LRMDA: variants seen among roughly 807,000 people sequenced by gnomAD.
The protein encoded by LRMDA is leucine-rich melanocyte differentiation-associated protein.
In LRMDA, 18 loss-of-function variants were observed where a neutral mutation model predicts 29.8. That is an observed-to-expected ratio of 0.60 (90% CI 0.42 to 0.90). LRMDA has a LOEUF of 0.90. LRMDA is among the 40% of genes least tolerant of loss of function. The pLI, the probability that LRMDA is intolerant of heterozygous loss-of-function variation, is 0.00. For missense variants in LRMDA, 273 were observed against 273.9 expected, an observed-to-expected ratio of 1.00 and a Z score of 0.02; for synonymous variants, 125 against 109.4, an observed-to-expected ratio of 1.14 and a Z score of -0.89.
At chr10:75,530,634 C>G (rs1845466358) in intron 2 of LRMDA, among the ~76,000 whole-genome samples, 2 of 152,210 alleles carry the variant, frequency 1.3e-5, no homozygotes, top group South Asian at 4.1e-4. Context: ...GCCTGCCTCA[C>G]TCCTTCACTG....
At chr10:75,946,553 G>C (rs1846479546) in intron 2 of LRMDA, among the ~76,000 whole-genome samples, 1 of 152,158 alleles carries the variant, frequency 6.6e-6, no homozygotes, top group South Asian at 2.1e-4. Context: ...GTGTGTGAAA[G>C]GTCGCACAAC....
chr10:75,642,857 T>C (rs1190827547), intron 2 of LRMDA: 4 of 152,230 alleles, frequency 2.6e-5, no homozygotes, highest in African/African-American at 9.6e-5. Flanking sequence ...GATCTTTTGC[T>C]GAATTACTTC....
intron 2 of LRMDA, among the ~76,000 whole-genome samples, chr10:75,828,124 C>T (rs1844277632): frequency 6.6e-6 from 1 of 152,164 alleles, no homozygotes; most frequent in Admixed American, 6.5e-5. Flanking sequence ...CCTGCCCAAA[C>T]TTTTAAACTG....
intron 5 of LRMDA, among the ~76,000 whole-genome samples, chr10:76,108,702 C>T (rs1436407704): frequency 6.6e-6 from 1 of 152,172 alleles, no homozygotes; most frequent in Non-Finnish European, 1.5e-5. Flanking sequence ...AAATAGAGCT[C>T]AGTGCCCTGC....
chr10:76,545,278 A>G (rs189922417), intron 6 of LRMDA, among the ~76,000 whole-genome samples: 17 of 151,828 alleles, frequency 1.1e-4, no homozygotes, highest in Non-Finnish European at 2.4e-4. Flanking sequence ...CTGCAGAACC[A>G]GACAGAACTG....
chr10:75,851,377 T>C (rs533581723), intron 2 of LRMDA, among the ~76,000 whole-genome samples: 2 of 152,360 alleles, frequency 1.3e-5, no homozygotes, highest in South Asian at 4.1e-4. Flanking sequence ...TATCCTGTTG[T>C]GTCTTGCCTC....
intron 5 of LRMDA, among the ~76,000 whole-genome samples, chr10:76,239,926 T>C (rs1852239577): frequency 6.6e-6 from 1 of 151,964 alleles, no homozygotes. Flanking sequence ...TACTTATATA[T>C]AATGTATATA....
At chr10:75,946,203 C>T (rs747607315) in intron 2 of LRMDA, among the ~76,000 whole-genome samples, 18 of 152,222 alleles carry the variant, frequency 1.2e-4, no homozygotes, top group Admixed American at 2.6e-4. Context: ...GACAGGCAGA[C>T]AGCTGCCTGG....
At chr10:76,434,424 A>G (rs1842224323) in intron 6 of LRMDA, among the ~76,000 whole-genome samples, 1 of 151,940 alleles carries the variant, frequency 6.6e-6, no homozygotes, top group South Asian at 2.1e-4. Context: ...TCCCAAAGCT[A>G]AAAAATGCTG....
At chr10:76,518,315 C>CTATCTATCTATA (rs1418925781) in intron 6 of LRMDA, among the ~76,000 whole-genome samples, 1 of 151,074 alleles carries the variant, frequency 6.6e-6, no homozygotes, top group Non-Finnish European at 1.5e-5. Context: ...ATCTATCTAT[C>CTATCTATCTATA]TATCTATCTA....
At chr10:75,515,932 C>G (rs1845283875) in intron 2 of LRMDA, among the ~76,000 whole-genome samples, 1 of 152,100 alleles carries the variant, frequency 6.6e-6, no homozygotes, top group South Asian at 2.1e-4. Flanking sequence ...TCAGTTCCCA[C>G]CTATGAGTGA....
intron 2 of LRMDA, among the ~76,000 whole-genome samples, chr10:75,823,486 T>C (rs1274039771): frequency 1.3e-5 from 2 of 152,116 alleles, no homozygotes; most frequent in African/African-American, 2.4e-5. Flanking sequence ...TGCAGTAATA[T>C]GCAGTAAAGG....
At chr10:75,561,638 G>C (rs1358932942) in intron 2 of LRMDA, among the ~76,000 whole-genome samples, 2 of 150,798 alleles carry the variant, frequency 1.3e-5, no homozygotes, top group African/African-American at 2.4e-5. Context: ...GTCAATTTTG[G>C]ATCTTTCCTG....
At chr10:75,998,066 T>C (rs1372490786) in intron 2 of LRMDA, among the ~76,000 whole-genome samples, 1 of 152,166 alleles carries the variant, frequency 6.6e-6, no homozygotes, top group African/African-American at 2.4e-5. Flanking sequence ...GACCCTCAAA[T>C]GTCATCTAGG....
intron 4 of LRMDA, among the ~76,000 whole-genome samples, chr10:76,054,869 G>A (rs1182043537): frequency 1.3e-5 from 2 of 151,322 alleles, no homozygotes; most frequent in East Asian, 2.0e-4. Flanking sequence ...TTTGAGTCCA[G>A]CCTGGCCAAC....
At position 75,737,389 on chromosome 10, in the gene LRMDA, G is replaced by A. The variant is rs575339640; in HGVS notation, c.132-298619G>A. ...GGTTTCGCCCCCATCACCGTGGCAGGAACGTTGGGCCATCCCAAGAATGTG... is the reference window on the plus strand; with the variant it reads ...GGTTTCGCCCCCATCACCGTGGCAGAAACGTTGGGCCATCCCAAGAATGTG... On this transcript the variant is annotated intron_variant, in intron 2 of 6. Transcript: ENST00000611255. Among the ~76,000 whole-genome samples the A allele has an allele frequency of 5.1e-3, 773 of 152,346 alleles. 4 individuals are homozygous for A. The highest frequency in any genetic ancestry group is 8.3e-3 in the Non-Finnish European group (566 of 68,030).
intron 5 of LRMDA, among the ~76,000 whole-genome samples, chr10:76,277,471 T>C (rs73289037): frequency 0.064 from 9,751 of 152,292 alleles, 873 homozygotes; most frequent in African/African-American, 0.2. Context: ...CCCTCTTTTA[T>C]TAAAGTCTTG....
At chr10:76,533,784 A>G (rs1302956119) in intron 6 of LRMDA, among the ~76,000 whole-genome samples, 1 of 152,216 alleles carries the variant, frequency 6.6e-6, no homozygotes, top group Non-Finnish European at 1.5e-5. Flanking sequence ...AAAATATGTC[A>G]TCAATGTTTT....
At chr10:75,563,630 A>T (rs1022641337) in intron 2 of LRMDA, among the ~76,000 whole-genome samples, 3 of 151,770 alleles carry the variant, frequency 2.0e-5, no homozygotes, top group Non-Finnish European at 2.9e-5. Flanking sequence ...TTCCAGTTTT[A>T]CTGTTCTGTT....
Sources: gnomAD v4.1 joint callset for allele counts (sites outside exome capture counted in the v4.1 genomes callset) on GRCh38, gnomAD v4.1.1 for gene constraint, MANE v1.5 for transcripts, NCBI Gene and HGNC (gene_info 2026-07-23, HGNC 2026-07-21) for gene names.